Variants in KCNK1 observed in about 807,000 individuals in gnomAD.
The protein encoded by KCNK1 is potassium channel subfamily K member 1.
A neutral mutation model predicts 22.2 loss-of-function variants in KCNK1; 10 were observed. The observed-to-expected ratio is 0.45, with a 90% CI of 0.28 to 0.76. KCNK1 has a LOEUF of 0.76. Among genes scored for constraint, KCNK1 ranks in the 30% least tolerant of loss-of-function variants. KCNK1 has a pLI of 0.14. For synonymous variants in KCNK1, 200 were observed against 186.4 expected, an observed-to-expected ratio of 1.07 and a Z score of -0.60; for missense variants, 378 against 421.0, an observed-to-expected ratio of 0.90 and a Z score of 0.89.
At position 233,614,374 on chromosome 1, in the gene KCNK1, A is replaced by AG. The variant is rs1558105242; in HGVS notation, c.204dup (p.Cys69ValfsTer4). 7 of 1,611,098 alleles carry AG rather than the reference A, an allele frequency of 4.3e-6. No individual in the cohort carries two copies. The highest frequency in any genetic ancestry group is 5.9e-6 in the Non-Finnish European group (7 of 1,178,744). ...AAGCGACGCTTCTTGGAGGAGCACG[A>AG]GTGCCTGTCTGAGCAGCAGCTGGAG... On this transcript the variant is annotated frameshift_variant, in exon 1 of 3. Coordinates refer to ENST00000366621, the MANE Select transcript of KCNK1 (RefSeq NM_002245.4). LOFTEE classifies it high-confidence loss of function.
At chr1:233,658,971 C>T (rs1658346179) in intron 1 of KCNK1, among the ~76,000 whole-genome samples, 1 of 151,984 alleles carries the variant, frequency 6.6e-6, no homozygotes, top group Admixed American at 6.6e-5. Flanking sequence ...AGGCTAAGTT[C>T]AGTTATTTAA....
In KCNK1 at chr1:233,631,891, T is replaced by A. The variant is rs891264666; in HGVS notation, c.355+17365T>A. Reference sequence around the variant, plus strand: ...AGTTTCATCCGGAAATGTCCCTGATTGAGACTGTCTTCTAGGTTGGTCCTC... The same window carrying A: ...AGTTTCATCCGGAAATGTCCCTGATAGAGACTGTCTTCTAGGTTGGTCCTC... On this transcript the variant is annotated intron_variant, in intron 1 of 2. Transcript: ENST00000366621. Among the ~76,000 whole-genome samples, 4 of 152,176 alleles carry A rather than the reference T, an allele frequency of 2.6e-5. No homozygotes were observed. The East Asian group carries it at 7.7e-4, about 29-fold the overall frequency.
chr1:233,666,480 G>C, intron 1 of KCNK1, 115 bp from the exon 2 acceptor site: 5 of 981,412 alleles, frequency 5.1e-6, no homozygotes, highest in Non-Finnish European at 7.4e-6. Context: ...CTGAAGTCTC[G>C]CTGTTCTCTT....
intron 1 of KCNK1, among the ~76,000 whole-genome samples, chr1:233,641,567 G>T (rs1014873226): frequency 1.3e-5 from 2 of 152,204 alleles, no homozygotes; most frequent in Non-Finnish European, 1.5e-5. Context: ...AGCGGATGGG[G>T]TGTTATATCC....
At chr1:233,619,970 G>A (rs909729294) in intron 1 of KCNK1, among the ~76,000 whole-genome samples, 2 of 151,948 alleles carry the variant, frequency 1.3e-5, no homozygotes, top group Non-Finnish European at 1.5e-5. Context: ...CGAAGTGGGC[G>A]AACTAGGGCC....
At chr1:233,637,094 G>T (rs1657912149) in intron 1 of KCNK1, among the ~76,000 whole-genome samples, 2 of 151,726 alleles carry the variant, frequency 1.3e-5, no homozygotes, top group African/African-American at 2.4e-5. Context: ...TACTTGGGAG[G>T]CTGAGGCAGG....
intron 1 of KCNK1, among the ~76,000 whole-genome samples, chr1:233,634,753 A>G (rs544906082): frequency 6.6e-6 from 1 of 152,334 alleles, no homozygotes; most frequent in Non-Finnish European, 1.5e-5. Flanking sequence ...ATGCATTTAC[A>G]CTTCCTTAGA....
At chr1:233,623,612 G>A (rs932382271) in intron 1 of KCNK1, among the ~76,000 whole-genome samples, 6 of 152,122 alleles carry the variant, frequency 3.9e-5, no homozygotes, top group Non-Finnish European at 5.9e-5. Flanking sequence ...TTATTGAGAC[G>A]GAGTCTCGCT....
rs867882632 is a variant in KCNK1, at chr1:233,614,588, G to A, written c.355+62G>A. On this transcript the variant is annotated intron_variant, in intron 1 of 2. Transcript: ENST00000366621. ...ACCTCGCCCACAACCCACACACCCCGGCCCCGGCGCCCCGGGCCCCTCTAA... is the reference window on the plus strand; with the variant it reads ...ACCTCGCCCACAACCCACACACCCCAGCCCCGGCGCCCCGGGCCCCTCTAA... The A allele has an allele frequency of 7.4e-5, 100 of 1,346,798 alleles. 3 individuals carry two copies. In the South Asian group the frequency reaches 1.3e-3, roughly 18 times the overall value. The allele number at this position is 1,346,798 out of a possible 1,614,324, so 83.4% of individuals were successfully genotyped here.
At chr1:233,614,679 TC>T (rs1190494993) in intron 1 of KCNK1, among the ~76,000 whole-genome samples, 153 bp downstream of exon 1, 13 of 138,684 alleles carry the variant, frequency 9.4e-5, no homozygotes, top group Non-Finnish European at 1.7e-4. Flanking sequence ...CTCACTGTCC[TC>T]CCGACCCTCC....
intron 1 of KCNK1, among the ~76,000 whole-genome samples, chr1:233,627,924 G>A (rs1047870174): frequency 7.9e-5 from 12 of 152,240 alleles, no homozygotes; most frequent in African/African-American, 2.9e-4. Flanking sequence ...TAATCTGAAT[G>A]AGGCTAAAAG....
chr1:233,614,471 G>C lies in KCNK1; in HGVS notation c.300G>C (p.Trp100Cys). The change falls in exon 1 of 3, where the codon TGG (tryptophan) becomes TGC (cysteine). Residue 100 changes from tryptophan to cysteine, a missense_variant. By Grantham distance (215) the Trp-to-Cys change is radical. Transcript: ENST00000366621. ...VSVLSNASGN[W>C]NWDFTSALFF... is the part of the protein sequence containing the mutation. ...TGCTCAGCAACGCCTCGGGCAACTG[G>C]AACTGGGACTTCACCTCCGCGCTCT... is the stretch of plus-strand genomic sequence containing the variant. 6.2e-7 allele frequency: 1 copy of C among 1,613,080 alleles called. No homozygotes were observed. Among genetic ancestry groups the C allele is most frequent in the Non-Finnish European group, 8.5e-7 (1 of 1,179,638 alleles).
intron 1 of KCNK1, among the ~76,000 whole-genome samples, chr1:233,652,019 G>T (rs922969024): frequency 2.0e-5 from 3 of 152,184 alleles, no homozygotes; most frequent in Middle Eastern, 3.2e-3. Flanking sequence ...AGGCAACAAA[G>T]GTAGCCTTTA....
chr1:233,644,223 T>G (rs1423487574), intron 1 of KCNK1, among the ~76,000 whole-genome samples: 1 of 152,136 alleles, frequency 6.6e-6, no homozygotes, highest in Admixed American at 6.5e-5. Context: ...AACCTATTAA[T>G]GAGGAAAGAG....
chr1:233,647,072 T>G (rs1398194836), intron 1 of KCNK1, among the ~76,000 whole-genome samples: 2 of 152,218 alleles, frequency 1.3e-5, no homozygotes, highest in Admixed American at 6.5e-5. Context: ...TTATTCAAAG[T>G]GACTTTATTG....
chr1:233,639,740 G>A (rs745739682), intron 1 of KCNK1, among the ~76,000 whole-genome samples: 3 of 152,148 alleles, frequency 2.0e-5, no homozygotes, highest in African/African-American at 2.4e-5. Flanking sequence ...TCTCGTGAAC[G>A]TGGCATTGTG....
intron 1 of KCNK1, among the ~76,000 whole-genome samples, chr1:233,618,245 G>A (rs635698): frequency 0.72 from 109,325 of 152,090 alleles, 40,631 homozygotes; most frequent in African/African-American, 0.9. Context: ...TAAAAGATAC[G>A]GCAACATCTG....
chr1:233,627,526 C>T (rs908722744), intron 1 of KCNK1, among the ~76,000 whole-genome samples: 1 of 151,670 alleles, frequency 6.6e-6, no homozygotes, highest in African/African-American at 2.4e-5. Flanking sequence ...ACATCGCTAC[C>T]TACCTGCCAC....
intron 1 of KCNK1, among the ~76,000 whole-genome samples, chr1:233,634,535 A>G (rs1413452781): frequency 1.3e-5 from 2 of 152,144 alleles, no homozygotes; most frequent in African/African-American, 4.8e-5. Flanking sequence ...GTGGCAGTAC[A>G]GGTACTCAAA....
Sources: gnomAD v4.1 joint callset for allele counts (sites outside exome capture counted in the v4.1 genomes callset) on GRCh38, gnomAD v4.1.1 for gene constraint, MANE v1.5 for transcripts, NCBI Gene and HGNC (gene_info 2026-07-23, HGNC 2026-07-21) for gene names.